The following KATNIP variants were observed in gnomAD, a reference collection of about 807,000 sequenced individuals.
KATNIP encodes katanin-interacting protein.
In KATNIP, 126 loss-of-function variants were observed where a neutral mutation model predicts 174.0. That is an observed-to-expected ratio of 0.72 (90% CI 0.63 to 0.84). The LOEUF is 0.84. KATNIP is among the 40% of genes least tolerant of loss of function. The pLI, the probability that KATNIP is intolerant of heterozygous loss-of-function variation, is 0.00. For synonymous variants in KATNIP, 810 were observed against 835.7 expected (o/e 0.97, Z 0.53); for missense variants, 1,958 against 2,109.7 (o/e 0.93, Z 1.41).
At chr16:27,564,209 G>A (rs1266517742) in intron 1 of KATNIP, among the ~76,000 whole-genome samples, 1 of 152,194 alleles carries the variant, frequency 6.6e-6, no homozygotes, top group Non-Finnish European at 1.5e-5. Flanking sequence ...AGCAGTTTAT[G>A]GGAACTAATA....
chr16:27,635,488 G>T (rs757451238), intron 5 of KATNIP, among the ~76,000 whole-genome samples: 5 of 152,026 alleles, frequency 3.3e-5, no homozygotes, highest in Non-Finnish European at 7.3e-5. Context: ...ACAAACCAGG[G>T]AGCATTCAAA....
chr16:27,584,825 T>C (rs2090831947), intron 2 of KATNIP, among the ~76,000 whole-genome samples: 2 of 152,108 alleles, frequency 1.3e-5, no homozygotes, highest in African/African-American at 2.4e-5. Context: ...ATCTGTTGTC[T>C]TGTTGACTCT....
chr16:27,610,797 C>T (rs769327601), intron 2 of KATNIP, among the ~76,000 whole-genome samples: 4 of 152,192 alleles, frequency 2.6e-5, no homozygotes, highest in East Asian at 1.9e-4. Flanking sequence ...ACCTGCCTCC[C>T]GTTCTACTCA....
chr16:27,556,422 T>A (rs2089632412), intron 1 of KATNIP, among the ~76,000 whole-genome samples: 1 of 152,142 alleles, frequency 6.6e-6, no homozygotes. Context: ...GGAAAAAAAA[T>A]TCTATTTCAT....
chr16:27,656,560 C>T (rs900806184), intron 6 of KATNIP, among the ~76,000 whole-genome samples: 5 of 151,094 alleles, frequency 3.3e-5, no homozygotes, highest in African/African-American at 1.2e-4. Context: ...CAACGATAGA[C>T]TGGATTAAGA....
chr16:27,602,150 C>A (rs556096818), intron 2 of KATNIP, among the ~76,000 whole-genome samples: 1 of 152,156 alleles, frequency 6.6e-6, no homozygotes, highest in African/African-American at 2.4e-5. Flanking sequence ...CCTGAGCCCC[C>A]TCCTGGGCTG....
rs916943664 is a variant in KATNIP at position 27,585,763 on chromosome 16, C to T, written c.63+11807C>T. Reference sequence around the variant, plus strand: ...ATAGACGGATGGGTCCCAGAGGCTACGGAGGGTGGCAGGAGAAGTGAGGAT... The same window carrying T: ...ATAGACGGATGGGTCCCAGAGGCTATGGAGGGTGGCAGGAGAAGTGAGGAT... On this transcript the variant is annotated intron_variant, in intron 2 of 27. Transcript: ENST00000261588. 5.3e-5 allele frequency among the ~76,000 whole-genome samples: 8 copies of T among 152,170 alleles called. 1 individual carries two copies. The highest frequency in any genetic ancestry group is 3.9e-4 in the Admixed American group (6 of 15,266).
At position 27,749,831 on chromosome 16, in the gene KATNIP, T is replaced by C. The variant is rs1361601059; in HGVS notation, c.2871T>C (p.Ser957=). Residue 957 remains serine (S), a synonymous_variant, in exon 16 of 28, where the codon TCT becomes TCC. Transcript: ENST00000261588. ...PGLSRGQDGY[S]GETDAGGDFK... is the part of the protein sequence containing the mutation. ...TGTCGAGAGGGCAGGATGGCTACTC[T>C]GGAGAGACAGACGCTGGGGGTGACT... 2.5e-6 allele frequency: 4 copies of C among 1,613,832 alleles called. No individual in the cohort carries two copies. The South Asian group carries it at 3.3e-5, about 13-fold the overall frequency.
intron 8 of KATNIP, among the ~76,000 whole-genome samples, chr16:27,696,777 G>A (rs898512495): frequency 4.0e-5 from 6 of 150,306 alleles, no homozygotes; most frequent in Non-Finnish European, 7.4e-5. Flanking sequence ...TGCCCTGGCC[G>A]GAGTGCAATG....
At chr16:27,737,925 G>A (rs2080957066) in intron 14 of KATNIP, among the ~76,000 whole-genome samples, 1 of 152,112 alleles carries the variant, frequency 6.6e-6, no homozygotes, top group Non-Finnish European at 1.5e-5. Flanking sequence ...CTAGTTACAG[G>A]TGCCCGGGCC....
At chr16:27,642,615 T>TG (rs2142275029) in intron 5 of KATNIP, among the ~76,000 whole-genome samples, 1 of 152,206 alleles carries the variant, frequency 6.6e-6, no homozygotes, top group East Asian at 1.9e-4. Context: ...GGGTAACACA[T>TG]GTGCTAAGAC....
At chr16:27,754,083 A>T in intron 17 of KATNIP, 90 bp from the exon 18 acceptor site, 1 of 1,011,508 alleles carries the variant, frequency 9.9e-7, no homozygotes, top group African/African-American at 1.6e-5. Context: ...TAGGGTGGGC[A>T]GTGGTAAATG....
intron 8 of KATNIP, among the ~76,000 whole-genome samples, chr16:27,682,522 G>A (rs548259329): frequency 6.6e-6 from 1 of 152,314 alleles, no homozygotes; most frequent in East Asian, 1.9e-4. Context: ...GGTTCAAGAT[G>A]TAGAGGGTGG....
chr16:27,589,305 T>C (rs2075098470), intron 2 of KATNIP, among the ~76,000 whole-genome samples: 1 of 152,196 alleles, frequency 6.6e-6, no homozygotes, highest in South Asian at 2.1e-4. Context: ...ACAAACTTTT[T>C]TCTGTAAAGG....
rs1422162983 is a variant in KATNIP, at chr16:27,697,590, TAAAAATTATATATAATTATAC to T, written c.941-723_941-703del. On this transcript the variant is annotated intron_variant, in intron 8 of 27. Coordinates refer to ENST00000261588, the MANE Select transcript of KATNIP (RefSeq NM_015202.5). ...TATTCTATGTATATATATAATTATA[TAAAAATTATATATAATTATAC>T]AAAAATTATATATACAGAAATATTA... Among the ~76,000 whole-genome samples the T allele has an allele frequency of 2.0e-5, 3 of 149,428 alleles. No individual in the cohort carries two copies. The Admixed American group carries it at 2.0e-4, about 10-fold the overall frequency.
Position 27,767,208 on chromosome 16 carries a change from C to G in KATNIP, c.3975+734C>G, listed in dbSNP as rs971861087. Among the ~76,000 whole-genome samples, 6 of 152,186 alleles carry G rather than the reference C, an allele frequency of 3.9e-5. No individual in the cohort carries two copies. In the East Asian group the frequency reaches 1.2e-3, roughly 29 times the overall value. On this transcript the variant is annotated intron_variant, in intron 20 of 27. Coordinates refer to ENST00000261588, the MANE Select transcript of KATNIP (RefSeq NM_015202.5). ...AGGAGGGCCTGAGTCTGAGTCTCAG[C>G]TTGGACCCAACCAGCTGCGTAACCT...
chr16:27,676,686 CAT>C (rs530528956), intron 6 of KATNIP, among the ~76,000 whole-genome samples: 85 of 151,890 alleles, frequency 5.6e-4, no homozygotes, highest in Admixed American at 3.9e-3. Context: ...TATATGTGTG[CAT>C]GTGTGTGTGT....
intron 6 of KATNIP, among the ~76,000 whole-genome samples, chr16:27,668,815 G>A (rs1048440949): frequency 6.6e-6 from 1 of 152,184 alleles, no homozygotes; most frequent in African/African-American, 2.4e-5. Context: ...AGATCAGCTT[G>A]GGCAACAGAG....
chr16:27,637,593 G>T lies in KATNIP; in HGVS notation c.408+6431G>T, dbSNP rs2076674780. Among the ~76,000 whole-genome samples, 1 of 152,184 alleles carries T rather than the reference G, an allele frequency of 6.6e-6. No homozygotes were observed. Among genetic ancestry groups the T allele is most frequent in the Non-Finnish European group, 1.5e-5 (1 of 68,030 alleles). ...AGTTACCTGGAGCCAGCCCCGGAAAGATCTGTGGCTGGGGGAGGCTTTCAG... is the reference window on the plus strand; with the variant it reads ...AGTTACCTGGAGCCAGCCCCGGAAATATCTGTGGCTGGGGGAGGCTTTCAG... On this transcript the variant is annotated intron_variant, in intron 5 of 27. Coordinates refer to ENST00000261588, the MANE Select transcript of KATNIP (RefSeq NM_015202.5). The surrounding 1 kb of genome is among the most constrained non-coding windows in gnomAD (Gnocchi z 4.7).
Sources: allele counts gnomAD v4.1 joint callset (sites outside exome capture counted in the v4.1 genomes callset), GRCh38; gene constraint gnomAD v4.1.1; non-coding constraint Gnocchi (gnomAD v3.1); transcripts MANE v1.5; gene names NCBI Gene and HGNC (gene_info 2026-07-23, HGNC 2026-07-21).